Variants in TEAD1 observed in about 807,000 individuals in gnomAD.
TEAD1 encodes transcriptional enhancer factor TEF-1.
A neutral mutation model predicts 54.9 loss-of-function variants in TEAD1; 9 were observed. The ratio of observed to expected loss-of-function variants is 0.16; its 90% CI spans 0.10 to 0.29. TEAD1 has a LOEUF of 0.29. TEAD1 is among the 10% of genes least tolerant of loss of function. The probability of loss-of-function intolerance (pLI) is 1.00; values close to 1 mark genes in which losing one functional copy is unlikely to be tolerated. For synonymous variants in TEAD1, 200 were observed against 187.8 expected (o/e 1.07, Z -0.53); for missense variants, 387 against 535.9 (o/e 0.72, Z 2.74).
At chr11:12,691,983 G>C (rs1028839155) in intron 2 of TEAD1, among the ~76,000 whole-genome samples, 1 of 152,096 alleles carries the variant, frequency 6.6e-6, no homozygotes, top group Non-Finnish European at 1.5e-5. Flanking sequence ...ATTTTTATAA[G>C]CTTAAATAAG....
intron 3 of TEAD1, among the ~76,000 whole-genome samples, chr11:12,806,827 C>G (rs1209001845): frequency 6.6e-6 from 1 of 152,150 alleles, no homozygotes; most frequent in Non-Finnish European, 1.5e-5. Context: ...TGAATTCTCT[C>G]ATACTTGAAA....
chr11:12,675,026 G>C (rs958163900), intron 1 of TEAD1, among the ~76,000 whole-genome samples, 192 bp downstream of exon 1: 4 of 147,008 alleles, frequency 2.7e-5, no homozygotes, highest in Non-Finnish European at 4.5e-5. Context: ...GTGAGCGGCC[G>C]GGCGCCGCCG....
chr11:12,901,491 C>A (rs1160473156), intron 9 of TEAD1, among the ~76,000 whole-genome samples: 1 of 152,242 alleles, frequency 6.6e-6, no homozygotes, highest in South Asian at 2.1e-4. Context: ...TACCATTGCT[C>A]AGACCACTGT....
chr11:12,889,407 A>G (rs1224865840), intron 9 of TEAD1, among the ~76,000 whole-genome samples: 1 of 148,566 alleles, frequency 6.7e-6, no homozygotes, highest in African/African-American at 2.5e-5. Context: ...GCCCCCCACC[A>G]GGGCAGCAGC....
intron 5 of TEAD1, among the ~76,000 whole-genome samples, chr11:12,877,218 C>G (rs1285935330): frequency 6.6e-6 from 1 of 152,218 alleles, no homozygotes; most frequent in East Asian, 1.9e-4. Flanking sequence ...GGAATCCTGC[C>G]AGCTTCTAGG....
At chr11:12,812,666 C>T (rs553016966) in intron 3 of TEAD1, among the ~76,000 whole-genome samples, 2 of 152,150 alleles carry the variant, frequency 1.3e-5, no homozygotes, top group Non-Finnish European at 2.9e-5. Context: ...AGGCTTAATA[C>T]AGGAGATGCT....
chr11:12,878,652 G>A (rs1460793984), intron 5 of TEAD1, among the ~76,000 whole-genome samples: 1 of 151,842 alleles, frequency 6.6e-6, no homozygotes, highest in East Asian at 1.9e-4. Flanking sequence ...TGTTGCTGTT[G>A]TTGGGTGCCC....
At chr11:12,779,887 A>G (rs1399819926) in intron 3 of TEAD1, among the ~76,000 whole-genome samples, 4 of 152,222 alleles carry the variant, frequency 2.6e-5, no homozygotes, top group East Asian at 1.9e-4. Flanking sequence ...GATGTAAATA[A>G]TCAGCAAACT....
intron 3 of TEAD1, among the ~76,000 whole-genome samples, chr11:12,782,067 C>T: frequency 6.6e-6 from 1 of 151,878 alleles, no homozygotes; most frequent in East Asian, 1.9e-4. Flanking sequence ...GGAGGATCAC[C>T]TGAGCCTGGG....
At chr11:12,882,301 T>A (rs1243777676) in intron 8 of TEAD1, among the ~76,000 whole-genome samples, 1 of 152,064 alleles carries the variant, frequency 6.6e-6, no homozygotes, top group East Asian at 1.9e-4. Flanking sequence ...CCAGATAGGG[T>A]TTCATTCACC....
At chr11:12,872,081 T>G (rs1297848646) in intron 5 of TEAD1, among the ~76,000 whole-genome samples, 1 of 152,196 alleles carries the variant, frequency 6.6e-6, no homozygotes, top group African/African-American at 2.4e-5. Flanking sequence ...TTCCTTCCAA[T>G]AGGCAGAGAG....
intron 2 of TEAD1, among the ~76,000 whole-genome samples, chr11:12,681,623 TA>T (rs1252844194): frequency 6.6e-6 from 1 of 152,212 alleles, no homozygotes; most frequent in East Asian, 1.9e-4. Context: ...AATCTGCACT[TA>T]GTAGGTGGCT....
At chr11:12,855,536 C>T (rs535499333) in intron 3 of TEAD1, among the ~76,000 whole-genome samples, 2 of 152,194 alleles carry the variant, frequency 1.3e-5, no homozygotes, top group South Asian at 2.1e-4. Flanking sequence ...GATCCACCTG[C>T]CTTGGCCTCC....
intron 2 of TEAD1, among the ~76,000 whole-genome samples, chr11:12,722,650 T>C (rs1428919623): frequency 1.1e-5 from 1 of 88,992 alleles, no homozygotes; most frequent in Non-Finnish European, 2.0e-5. Flanking sequence ...TCTCTCTTTC[T>C]TTTTTTTTTT....
intron 10 of TEAD1, among the ~76,000 whole-genome samples, chr11:12,909,482 CAG>C (rs1347461910): frequency 1.6e-5 from 2 of 122,380 alleles, no homozygotes; most frequent in East Asian, 4.0e-4. Flanking sequence ...AATGAGAACA[CAG>C]GGACACAGGG....
At chr11:12,677,618 T>G (rs1459801778) in intron 2 of TEAD1, among the ~76,000 whole-genome samples, 1 of 152,234 alleles carries the variant, frequency 6.6e-6, no homozygotes, top group Non-Finnish European at 1.5e-5. Context: ...ATGAGGGCAT[T>G]TCTTAACGGG....
At position 12,813,582 on chromosome 11, in the gene TEAD1, T is replaced by C. The variant is rs115362475; in HGVS notation, c.203-48668T>C. ...ACTGTGCTTTCCATTTCTGGAAATA[T>C]GAGGAGCCCAGAGGCTTCTCTTTGA... On this transcript the variant is annotated intron_variant, in intron 3 of 12. Coordinates refer to ENST00000527636, the MANE Select transcript of TEAD1 (RefSeq NM_021961.6). Among the ~76,000 whole-genome samples the C allele has an allele frequency of 7.2e-3, 1,093 of 152,336 alleles. 14 individuals carry two copies. Among genetic ancestry groups the C allele is most frequent in the African/African-American group, 0.025 (1,035 of 41,586 alleles).
chr11:12,810,061 A>G (rs952833619), intron 3 of TEAD1, among the ~76,000 whole-genome samples: 5 of 146,376 alleles, frequency 3.4e-5, no homozygotes, highest in African/African-American at 5.2e-5. Flanking sequence ...GCTCACTGCA[A>G]GCTCCACCTC....
intron 3 of TEAD1, among the ~76,000 whole-genome samples, chr11:12,777,987 A>T (rs1945465712): frequency 6.6e-6 from 1 of 152,204 alleles, no homozygotes; most frequent in African/African-American, 2.4e-5. Flanking sequence ...AATAATAATG[A>T]ATATTTGTTC....
Sources: allele counts gnomAD v4.1 joint callset (sites outside exome capture counted in the v4.1 genomes callset), GRCh38; gene constraint gnomAD v4.1.1; transcripts MANE v1.5; gene names NCBI Gene and HGNC (gene_info 2026-07-23, HGNC 2026-07-21).